Variants in ITGB4 observed in about 807,000 individuals in gnomAD.
ITGB4 encodes the protein integrin beta-4.
ITGB4 carries 159 observed loss-of-function variants against 207.6 expected under a neutral mutation model. The observed-to-expected ratio is 0.77, with a 90% confidence interval of 0.67 to 0.87. ITGB4 has a LOEUF of 0.87. Ranked by LOEUF, ITGB4 falls within the 40% of genes least tolerant of loss-of-function variation. The pLI, the probability that ITGB4 is intolerant of heterozygous loss-of-function variation, is 0.00. For missense variants in ITGB4, 2,278 were observed against 2,546.8 expected (o/e 0.89, Z 2.27); for synonymous variants, 1,020 against 1,062.7 (o/e 0.96, Z 0.78).
chr17:75,729,136 G>A lies in ITGB4; in HGVS notation c.567-129G>A. 5 of 816,020 alleles carry A rather than the reference G, an allele frequency of 6.1e-6. No homozygotes were observed. The highest frequency in any genetic ancestry group is 1.8e-5 in the South Asian group (1 of 54,324). 50.5% of individuals were successfully genotyped at this position (816,020 alleles called of 1,614,324 possible). On this transcript the variant is annotated intron_variant, in intron 6 of 39. Transcript: ENST00000200181. The surrounding 1 kb of genome is among the most constrained non-coding windows in gnomAD (Gnocchi z 4.4). ...TCGTGCATACCGCACACCAGCCTGG[G>A]TGATAAAGCGAGACTTGGTCTCAAA... is the stretch of plus-strand genomic sequence containing the variant.
chr17:75,747,826 C>T (rs541123032), intron 26 of ITGB4, among the ~76,000 whole-genome samples: 3 of 152,262 alleles, frequency 2.0e-5, no homozygotes, highest in Admixed American at 6.5e-5. Flanking sequence ...ATGACACTGA[C>T]GTTTTTGAAG....
intron 13 of ITGB4, among the ~76,000 whole-genome samples, chr17:75,735,412 CTTTTTTT>C (rs71361693): frequency 9.7e-6 from 1 of 102,848 alleles, no homozygotes; most frequent in Non-Finnish European, 1.9e-5. Context: ...TTTTTCTTTT[CTTTTTTT>C]TTTTTTTTTT....
chr17:75,757,131 C>A, intron 38 of ITGB4, 24 bp downstream of exon 38: 1 of 1,612,906 alleles, frequency 6.2e-7, no homozygotes, highest in Non-Finnish European at 8.5e-7. Context: ...CTTTCCTTCA[C>A]CCCCACCCCT....
chr17:75,735,499 A>G (rs3862483), intron 13 of ITGB4, among the ~76,000 whole-genome samples: 65,872 of 138,576 alleles, frequency 0.48, 17,007 homozygotes, highest in Middle Eastern at 0.62. Context: ...TGCAACCTCT[A>G]CCTCCCGGGT....
chr17:75,733,199 T>C (rs895394489), intron 12 of ITGB4, among the ~76,000 whole-genome samples: 8 of 151,880 alleles, frequency 5.3e-5, no homozygotes, highest in Admixed American at 3.3e-4. Flanking sequence ...CCATCCTGGC[T>C]AACATGGTGA....
chr17:75,738,020 A>G (rs2061021622), intron 18 of ITGB4, among the ~76,000 whole-genome samples: 1 of 151,846 alleles, frequency 6.6e-6, no homozygotes, highest in Non-Finnish European at 1.5e-5. Context: ...CGTAGAGTCC[A>G]GCTGTCTGGA....
rs772085685 is a variant in ITGB4, at chr17:75,736,179, G to C, written c.1761+25G>C. ...GGTAGGCCTGGGCATAAGACAGACA[G>C]TGTCTGTCAGCACCACCCACCCTCT... is the stretch of plus-strand genomic sequence containing the variant. On this transcript the variant is annotated intron_variant, in intron 14 of 39. Transcript: ENST00000200181. 13 of 1,599,226 alleles carry C rather than the reference G, an allele frequency of 8.1e-6. No individual in the cohort carries two copies. In the South Asian group the frequency reaches 1.2e-4, roughly 15 times the overall value.
Position 75,742,469 on chromosome 17 carries a change from A to G in ITGB4, c.2762A>G (p.Tyr921Cys), listed in dbSNP as rs1415186592. The G allele has an allele frequency of 4.3e-6, 7 of 1,613,124 alleles. No homozygotes were observed. Among genetic ancestry groups the G allele is most frequent in the Non-Finnish European group, 5.9e-6 (7 of 1,179,798 alleles). Residue 921 changes from tyrosine to cysteine, a missense_variant, in exon 24 of 40, where the codon TAC (tyrosine) becomes TGC (cysteine). Physicochemically the swap from Tyr to Cys is radical, Grantham distance 194 (BLOSUM62 -2). Coordinates refer to ENST00000200181, the MANE Select transcript of ITGB4 (RefSeq NM_000213.5). The surrounding 1 kb of genome is among the most constrained non-coding windows in gnomAD (Gnocchi z 5.9). ...GACCTCAAGGTGGCCCCCGGCTACT[A>G]CACCCTCACTGCAGACCAGGGTAGG... ...FHDLKVAPGY[Y>C]TLTADQDARG...
chr17:75,730,596 C>CCCTCCCTT (rs1226777452), intron 8 of ITGB4, 92 bp downstream of exon 8: 22 of 1,153,154 alleles, frequency 1.9e-5, no homozygotes, highest in South Asian at 1.0e-4. Context: ...CTCCCTCCCT[C>CCCTCCCTT]CCTCCCTTCC....
chr17:75,739,621 TG>T lies in ITGB4; in HGVS notation c.2221-48del. The T allele has an allele frequency of 6.2e-7, 1 of 1,612,118 alleles. No homozygotes were observed. The highest frequency in any genetic ancestry group is 8.5e-7 in the Non-Finnish European group (1 of 1,178,488). ...GGCGGGGTGGCTGGAAGGGCTTACC[TG>T]GGCCAGGGCAGCTGTCTCAGGCCTC... On this transcript the variant is annotated intron_variant, in intron 18 of 39. Coordinates refer to ENST00000200181, the MANE Select transcript of ITGB4 (RefSeq NM_000213.5). The surrounding 1 kb of genome is among the most constrained non-coding windows in gnomAD (Gnocchi z 5.4).
chr17:75,751,897 T>G, intron 30 of ITGB4: 4 of 511,094 alleles, frequency 7.8e-6, no homozygotes, highest in Non-Finnish European at 1.4e-5. Flanking sequence ...GCACCGTGGA[T>G]ATATGGGTAG....
intron 36 of ITGB4, 31 bp downstream of exon 36, chr17:75,756,648 C>G: frequency 6.2e-7 from 1 of 1,613,020 alleles, no homozygotes; most frequent in African/African-American, 1.3e-5. Flanking sequence ...CCAGAGCTGC[C>G]CCCATCATGC....
At position 75,731,053 on chromosome 17, in the gene ITGB4, T is replaced by A; in HGVS notation, c.1092+89T>A. 1 of 1,432,930 alleles carries A rather than the reference T, an allele frequency of 7.0e-7. No homozygotes were observed. Among genetic ancestry groups the A allele is most frequent in the Non-Finnish European group, 9.8e-7 (1 of 1,021,148 alleles). The allele number at this position is 1,432,930 out of a possible 1,614,324, so 88.8% of individuals were successfully genotyped here. ...GGGCAAGAGGTGTCTTGGATCACGG[T>A]GGAGAAATGGGTCTGGGACAGACCA... On this transcript the variant is annotated intron_variant, in intron 9 of 39. Transcript: ENST00000200181. The surrounding 1 kb of genome is among the most constrained non-coding windows in gnomAD (Gnocchi z 6.8).
chr17:75,737,394 G>A lies in ITGB4; in HGVS notation c.2063G>A (p.Gly688Asp), dbSNP rs752217226. 3.8e-6 allele frequency: 6 copies of A among 1,568,690 alleles called. No individual in the cohort carries two copies. The East Asian group carries it at 1.4e-4, about 37-fold the overall frequency. The part of the protein sequence containing the change: ...DDCTYSYTME[G>D]DGAPGPNSTV... ...TGCACCTACAGCTACACCATGGAAG[G>A]TGACGGCGCCCCTGGGCCCAACAGC... Residue 688 changes from glycine (G) to aspartate (D), a missense_variant, in exon 17 of 40, where the codon GGT becomes GAT. By Grantham distance (94) the Gly-to-Asp change is moderately conservative (BLOSUM62 -1). Coordinates refer to ENST00000200181, the MANE Select transcript of ITGB4 (RefSeq NM_000213.5).
At chr17:75,754,540 C>T (rs747089756) in intron 33 of ITGB4, 36 bp from the exon 34 acceptor site, 3 of 1,612,478 alleles carry the variant, frequency 1.9e-6, no homozygotes, top group African/African-American at 2.7e-5. Flanking sequence ...GGGTCTGGGG[C>T]AGGCCTGACC....
In ITGB4 at chr17:75,756,518, G is replaced by C. The variant is rs771612802; in HGVS notation, c.4798G>C (p.Val1600Leu). 6.2e-7 allele frequency: 1 copy of C among 1,613,332 alleles called. No individual in the cohort carries two copies. The highest frequency in any genetic ancestry group is 8.5e-7 in the Non-Finnish European group (1 of 1,180,012). ...LLPNHSYVFR[V>L]RAQSQEGWGR... ...GCCCAACCACTCCTACGTGTTCCGC[G>C]TGCGGGCCCAGAGCCAGGAAGGCTG... Residue 1600 changes from valine (V) to leucine (L), a missense_variant, in exon 36 of 40, where the codon GTG (valine) becomes CTG (leucine). Coordinates refer to ENST00000200181, the MANE Select transcript of ITGB4 (RefSeq NM_000213.5).
Position 75,757,540 on chromosome 17 carries a change from G to A in ITGB4, c.5454G>A (p.Gln1818=). 6.2e-7 allele frequency: 1 copy of A among 1,613,396 alleles called. No individual in the cohort carries two copies. Among genetic ancestry groups the A allele is most frequent in the African/African-American group, 1.3e-5 (1 of 75,028 alleles). Residue 1818 remains glutamine (Q), a synonymous_variant, in exon 40 of 40, where the codon CAG becomes CAA. Coordinates refer to ENST00000200181, the MANE Select transcript of ITGB4 (RefSeq NM_000213.5). ...SGTLSTHMDQ[Q]FFQT is the part of the protein sequence containing the mutation. Reference sequence around the variant, plus strand: ...CCCTTAGCACCCACATGGACCAACAGTTCTTCCAAACTTGACCGCACCCTG... The same window carrying A: ...CCCTTAGCACCCACATGGACCAACAATTCTTCCAAACTTGACCGCACCCTG...
intron 26 of ITGB4, among the ~76,000 whole-genome samples, chr17:75,744,921 G>A (rs1326088825): frequency 1.3e-5 from 2 of 149,370 alleles, no homozygotes; most frequent in African/African-American, 2.5e-5. Context: ...GAGCTACCAC[G>A]CCCGGCCTAG....
chr17:75,757,070 G>A lies in ITGB4; in HGVS notation c.5181G>A (p.Glu1727=). The A allele has an allele frequency of 6.2e-7, 1 of 1,612,962 alleles. No individual in the cohort carries two copies. Among genetic ancestry groups the A allele is most frequent in the Non-Finnish European group, 8.5e-7 (1 of 1,179,958 alleles). Residue 1727 remains glutamate (E), a synonymous_variant, in exon 38 of 40, where the codon GAG becomes GAA. Transcript: ENST00000200181. ...QARTTEGFGP[E]REGIITIESQ... ...GGACCACTGAGGGCTTCGGGCCAGAGCGCGAGGGCATCATCACCATAGAGT... is the reference window on the plus strand; with the variant it reads ...GGACCACTGAGGGCTTCGGGCCAGAACGCGAGGGCATCATCACCATAGAGT...
Sources: allele counts gnomAD v4.1 joint callset (sites outside exome capture counted in the v4.1 genomes callset), GRCh38; gene constraint gnomAD v4.1.1; non-coding constraint Gnocchi (gnomAD v3.1); transcripts MANE v1.5; gene names NCBI Gene and HGNC (gene_info 2026-07-23, HGNC 2026-07-21).